The following ZNF668 variants were observed in gnomAD, a reference collection of about 807,000 sequenced individuals.
ZNF668 encodes the protein zinc finger protein 668.
Under a neutral mutation model 40.3 loss-of-function variants are expected in ZNF668, and 10 were observed. The ratio of observed to expected loss-of-function variants is 0.25; its 90% confidence interval spans 0.15 to 0.42. The LOEUF is 0.42. Among genes scored for constraint, ZNF668 ranks in the 10% least tolerant of loss-of-function variants. The probability of loss-of-function intolerance (pLI) is 1.00; values close to 1 mark genes in which losing one functional copy is unlikely to be tolerated. For missense variants in ZNF668, 749 were observed against 904.6 expected, an observed-to-expected ratio of 0.83 and a Z score of 2.21; for synonymous variants, 428 against 384.6, an observed-to-expected ratio of 1.11 and a Z score of -1.32.
At chr16:31,068,373 C>A (rs2056993663) in intron 1 of ZNF668, among the ~76,000 whole-genome samples, 1 of 149,680 alleles carries the variant, frequency 6.7e-6, no homozygotes, top group Admixed American at 6.7e-5. Context: ...CAGGCACCTG[C>A]CACCACACCT....
chr16:31,064,852 A>T, intron 1 of ZNF668: 1 of 1,436,376 alleles, frequency 7.0e-7, no homozygotes, highest in Non-Finnish European at 9.1e-7. Flanking sequence ...TAAAGAGTGT[A>T]CCCAGACGTG....
At chr16:31,062,978 C>T (rs2056946549) in intron 2 of ZNF668, among the ~76,000 whole-genome samples, 1 of 151,826 alleles carries the variant, frequency 6.6e-6, no homozygotes, top group Non-Finnish European at 1.5e-5. Flanking sequence ...CCTGTAATCC[C>T]AGCTACTCGG....
rs753443157 is a variant in ZNF668 at position 31,061,689 on chromosome 16, G to A, written c.1239C>T (p.Thr413=). The change falls in exon 3 of 3, where the codon ACC becomes ACT. Residue 413 remains threonine (T), a synonymous_variant. Transcript: ENST00000300849. The surrounding 1 kb of genome is among the most constrained non-coding windows in gnomAD (Gnocchi z 7.7). ...VSSSLRKHER[T]HRSSEAAGVP... is the part of the protein sequence containing the mutation. The stretch of plus-strand genomic sequence containing the variant: ...CACCCGCGGCCTCACTGCTTCGATG[G>A]GTCCGCTCGTGCTTCCTCAGGCTCG... The A allele has an allele frequency of 4.3e-6, 7 of 1,613,542 alleles. No homozygotes were observed. The highest frequency in any genetic ancestry group is 5.9e-6 in the Non-Finnish European group (7 of 1,179,914).
At position 31,068,388 on chromosome 16, in the gene ZNF668, A is replaced by G. The variant is rs544583055; in HGVS notation, c.-22-3907T>C. Among the ~76,000 whole-genome samples the G allele has an allele frequency of 8.6e-4, 129 of 149,188 alleles. 4 individuals carry two copies. The South Asian group carries it at 0.027, about 31-fold the overall frequency. ...CAGGCACCTGCCACCACACCTGGCT[A>G]GTTTTTTGTATTTTTAGTAGAGACG... On this transcript the variant is annotated intron_variant, in intron 1 of 2. Coordinates refer to ENST00000300849, the MANE Select transcript of ZNF668 (RefSeq NM_024706.5).
chr16:31,065,063 C>G (rs778611455), intron 1 of ZNF668: 11 of 1,047,828 alleles, frequency 1.0e-5, no homozygotes, highest in African/African-American at 1.7e-5. Context: ...CACAGCTGTA[C>G]GGGCCTCCGC....
chr16:31,073,445 C>T (rs1328726184), intron 1 of ZNF668: 4 of 152,198 alleles, frequency 2.6e-5, no homozygotes. Flanking sequence ...GCCTGGGTGT[C>T]CGCAGCCCAG....
Position 31,061,434 on chromosome 16 carries a change from C to T in ZNF668, c.1494G>A (p.Leu498=), listed in dbSNP as rs2056923626. The change falls in exon 3 of 3, where the codon TTG becomes TTA. Residue 498 remains leucine, a synonymous_variant. Coordinates refer to ENST00000300849, the MANE Select transcript of ZNF668 (RefSeq NM_024706.5). This position sits in a 1 kb window ranked among gnomAD's most constrained non-coding sequence, Gnocchi z 7.7. Reference sequence around the variant, plus strand: ...CACCCCCCGCCTCGCCTGCCCCTTCCAAGGGACCAGGAGCCTCCCGGACAC... The same window carrying T: ...CACCCCCCGCCTCGCCTGCCCCTTCTAAGGGACCAGGAGCCTCCCGGACAC... ...DAGVREAPGP[L]EGAGEAGGEE... is the part of the protein sequence containing the mutation. 6.2e-7 allele frequency: 1 copy of T among 1,613,986 alleles called. No homozygotes were observed. The highest frequency in any genetic ancestry group is 8.5e-7 in the Non-Finnish European group (1 of 1,179,990).
At position 31,062,286 on chromosome 16, in the gene ZNF668, G is replaced by C. The variant is rs371037658; in HGVS notation, c.648-6C>G. 2 of 1,587,076 alleles carry C rather than the reference G, an allele frequency of 1.3e-6. No homozygotes were observed. The highest frequency in any genetic ancestry group is 2.2e-5 in the East Asian group (1 of 44,600). On this transcript the variant is annotated splice_polypyrimidine_tract_variant and splice_region_variant and intron_variant, in intron 2 of 2. Transcript: ENST00000300849. Reference sequence around the variant, plus strand: ...GGCGCTCGCCGGTGTGGGACCTGCGGGGGTGTGGAGGACTTGGCATGAAGG... The same window carrying C: ...GGCGCTCGCCGGTGTGGGACCTGCGCGGGTGTGGAGGACTTGGCATGAAGG...
At chr16:31,065,195 G>A in intron 1 of ZNF668, 3 of 927,984 alleles carry the variant, frequency 3.2e-6, no homozygotes, top group Non-Finnish European at 3.9e-6. Context: ...GCCTCTTTCT[G>A]AGTCATAACT....
chr16:31,064,793 G>A (rs536128827), intron 1 of ZNF668: 2 of 1,472,448 alleles, frequency 1.4e-6, no homozygotes, highest in African/African-American at 1.4e-5. Flanking sequence ...GGTTCCATCT[G>A]TCTCACCATC....
chr16:31,063,999 T>A lies in ZNF668; in HGVS notation c.461A>T (p.Lys154Met). Reference protein sequence around the residue: ...HCPKAYGALSKLKIHQRGHTG... With the variant: ...HCPKAYGALSMLKIHQRGHTG... The stretch of plus-strand genomic sequence containing the variant: ...GTGGCCACGCTGGTGGATCTTGAGC[T>A]TGGAGAGCGCGCCATAGGCCTTCGG... The change falls in exon 2 of 3, where the codon AAG (lysine) becomes ATG (methionine). Residue 154 changes from lysine (K) to methionine (M), a missense_variant. Physicochemically the swap from Lys to Met is moderately conservative, Grantham distance 95 (BLOSUM62 -1). Around this residue, in one of 4 missense-constraint regions of ZNF668, gnomAD observed 151 missense variants for 178.6 expected, o/e 0.85. Coordinates refer to ENST00000300849, the MANE Select transcript of ZNF668 (RefSeq NM_024706.5). 1.2e-6 allele frequency: 2 copies of A among 1,609,952 alleles called. No individual in the cohort carries two copies. Among genetic ancestry groups the A allele is most frequent in the South Asian group, 2.2e-5 (2 of 90,924 alleles).
chr16:31,061,756 G>C lies in ZNF668; in HGVS notation c.1172C>G (p.Pro391Arg), dbSNP rs774101453. 4 of 1,613,182 alleles carry C rather than the reference G, an allele frequency of 2.5e-6. No homozygotes were observed. Among genetic ancestry groups the C allele is most frequent in the Non-Finnish European group, 3.4e-6 (4 of 1,179,920 alleles). Residue 391 changes from proline (P) to arginine (R), a missense_variant, in exon 3 of 3, where the codon CCC becomes CGC. Coordinates refer to ENST00000300849, the MANE Select transcript of ZNF668 (RefSeq NM_024706.5). The surrounding 1 kb of genome is among the most constrained non-coding windows in gnomAD (Gnocchi z 7.7). ...KHSRVHSGER[P>R]FHCNACGKSF... ...TTTCCCACATGCGTTACAGTGGAAG[G>C]GGCGCTCCCCCGAGTGCACCCGGCT...
intron 1 of ZNF668, chr16:31,066,132 G>T (rs1328621493): frequency 1.0e-6 from 1 of 985,426 alleles, no homozygotes; most frequent in Non-Finnish European, 1.2e-6. Context: ...AGGCCTGCAC[G>T]CTGCCCTCCC....
intron 1 of ZNF668, 172 bp from the exon 2 acceptor site, chr16:31,064,653 A>G: frequency 6.5e-7 from 1 of 1,536,258 alleles, no homozygotes; most frequent in Non-Finnish European, 8.7e-7. Flanking sequence ...TGCTCATTGA[A>G]GAAAGGAGTT....
rs746759162 is a variant in ZNF668 at position 31,064,309 on chromosome 16, C to T, written c.151G>A (p.Glu51Lys). 2 of 1,613,942 alleles carry T rather than the reference C, an allele frequency of 1.2e-6. No homozygotes were observed. Among genetic ancestry groups the T allele is most frequent in the South Asian group, 2.2e-5 (2 of 91,090 alleles). Reference protein sequence around the residue: ...AATHGPADCSEEVAEVKPKPE... With the variant: ...AATHGPADCSKEVAEVKPKPE... ...TTTGGCTTCACCTCGGCCACCTCTT[C>T]AGAGCAGTCTGCCGGCCCATGTGTG... Residue 51 changes from glutamate (E) to lysine (K), a missense_variant, in exon 2 of 3, where the codon GAA becomes AAA. Coordinates refer to ENST00000300849, the MANE Select transcript of ZNF668 (RefSeq NM_024706.5).
At position 31,064,049 on chromosome 16, in the gene ZNF668, T is replaced by C. The variant is rs2056959930; in HGVS notation, c.411A>G (p.Glu137=). 3.7e-6 allele frequency: 6 copies of C among 1,604,436 alleles called. No homozygotes were observed. The highest frequency in any genetic ancestry group is 1.7e-5 in the Admixed American group (1 of 59,676). ...GGCAGTGCGCACAGCGGAAGGGCAG[T>C]TCGCCAGCGTGCGAGGCCAGGTGCA... ...LRVHLASHAG[E]LPFRCAHCPK... Residue 137 remains glutamate (E), a synonymous_variant, in exon 2 of 3, where the codon GAA becomes GAG. Transcript: ENST00000300849.
rs776061756 is a variant in ZNF668 at position 31,061,529 on chromosome 16, C to G, written c.1399G>C (p.Gly467Arg). 1 of 1,611,948 alleles carries G rather than the reference C, an allele frequency of 6.2e-7. No individual in the cohort carries two copies. Among genetic ancestry groups the G allele is most frequent in the Non-Finnish European group, 8.5e-7 (1 of 1,179,964 alleles). The stretch of plus-strand genomic sequence containing the variant: ...TGCCACTGTGTGGCCATCACACCAC[C>G]TGACTCCGGGGGCAGCCCTAGCAGC... The part of the protein sequence containing the change: ...AGLLGLPPES[G>R]GVMATQWQVV... Residue 467 changes from glycine (G) to arginine (R), a missense_variant, in exon 3 of 3, where the codon GGT becomes CGT. Transcript: ENST00000300849. The surrounding 1 kb of genome is among the most constrained non-coding windows in gnomAD (Gnocchi z 7.7).
chr16:31,064,504 C>T (rs1431567150), intron 1 of ZNF668, 23 bp from the exon 2 acceptor site: 1 of 1,601,530 alleles, frequency 6.2e-7, no homozygotes, highest in African/African-American at 1.3e-5. Context: ...CAAAGTTAGA[C>T]CAAAGCCACA....
chr16:31,068,609 T>C lies in ZNF668; in HGVS notation c.-22-4128A>G, dbSNP rs183259212. On this transcript the variant is annotated intron_variant, in intron 1 of 2. Coordinates refer to ENST00000300849, the MANE Select transcript of ZNF668 (RefSeq NM_024706.5). Reference sequence around the variant, plus strand: ...CTCTGGATCATTCCAGCCAATACTTTTGTTTGTTTGGTTTTGAAACAAGAT... The same window carrying C: ...CTCTGGATCATTCCAGCCAATACTTCTGTTTGTTTGGTTTTGAAACAAGAT... Among the ~76,000 whole-genome samples, 140 of 151,494 alleles carry C rather than the reference T, an allele frequency of 9.2e-4. 1 individual carries two copies. The highest frequency in any genetic ancestry group is 3.3e-3 in the African/African-American group (137 of 41,296).
Sources: gnomAD v4.1 joint callset for allele counts (sites outside exome capture counted in the v4.1 genomes callset) on GRCh38, gnomAD v4.1.1 for gene constraint, gnomAD v4.1.1 regional missense constraint, Gnocchi (gnomAD v3.1) non-coding constraint, MANE v1.5 for transcripts, NCBI Gene and HGNC (gene_info 2026-07-23, HGNC 2026-07-21) for gene names.